PTGES3: variants seen among roughly 807,000 people sequenced by gnomAD.
The protein encoded by PTGES3 is prostaglandin E synthase 3, also known as Hsp90 co-chaperone.
Under a neutral mutation model 29.9 loss-of-function variants are expected in PTGES3, and 5 were observed. That is an observed-to-expected ratio of 0.17 (90% CI 0.09 to 0.35). The LOEUF is 0.35. PTGES3 is among the 10% of genes least tolerant of loss of function. PTGES3 has a pLI of 1.00. For missense variants in PTGES3, 128 were observed against 190.0 expected, an observed-to-expected ratio of 0.67 and a Z score of 1.92; for synonymous variants, 49 against 57.8, an observed-to-expected ratio of 0.85 and a Z score of 0.69.
intron 1 of PTGES3, among the ~76,000 whole-genome samples, chr12:56,675,131 C>T (rs1190679914): frequency 6.6e-6 from 1 of 151,292 alleles, no homozygotes; most frequent in Non-Finnish European, 1.5e-5. Context: ...AAAACCCCGT[C>T]TCTACTAAAA....
intron 1 of PTGES3, among the ~76,000 whole-genome samples, chr12:56,680,138 C>G (rs1318624492): frequency 6.7e-6 from 1 of 148,548 alleles, no homozygotes; most frequent in African/African-American, 2.5e-5. Context: ...ATGGCGCGAT[C>G]ACAGCTCACT....
chr12:56,665,497 C>T (rs1951751899), intron 6 of PTGES3: 2 of 971,668 alleles, frequency 2.1e-6, no homozygotes, highest in African/African-American at 1.8e-5. Context: ...GTTTCGCCAT[C>T]TTGGCCAGGC....
intron 1 of PTGES3, 26 bp from the exon 2 acceptor site, chr12:56,673,091 T>C (rs1384279909): frequency 1.3e-6 from 2 of 1,505,202 alleles, no homozygotes; most frequent in Non-Finnish European, 9.1e-7. Context: ...GTAGGGAAAG[T>C]CAAGCTGGAA....
chr12:56,688,281 T>TGAGGCCGGGCGGCGGC lies in PTGES3; in HGVS notation c.-283_-282insGCCGCCGCCCGGCCTC. On this transcript the variant is annotated 5_prime_UTR_variant, in exon 1 of 8. Transcript: ENST00000262033. ...GTGCGTGCGTGCAAACGAGGGGTGG[T>TGAGGCCGGGCGGCGGC]GAGGCCGGGCGGCGGCTGGTGACGC... 1 of 475,926 alleles carries TGAGGCCGGGCGGCGGC rather than the reference T, an allele frequency of 2.1e-6. No homozygotes were observed. Among genetic ancestry groups the TGAGGCCGGGCGGCGGC allele is most frequent in the Admixed American group, 4.2e-5 (1 of 23,698 alleles). 29.5% of individuals were successfully genotyped at this position (475,926 alleles called of 1,614,324 possible).
chr12:56,679,906 C>T (rs1226607328), intron 1 of PTGES3, among the ~76,000 whole-genome samples: 1 of 151,968 alleles, frequency 6.6e-6, no homozygotes, highest in Non-Finnish European at 1.5e-5. Flanking sequence ...AACTCCTGAC[C>T]TCAAGTGATC....
At chr12:56,676,579 A>G (rs1363094349) in intron 1 of PTGES3, among the ~76,000 whole-genome samples, 5 of 152,068 alleles carry the variant, frequency 3.3e-5, no homozygotes, top group Non-Finnish European at 7.3e-5. Flanking sequence ...CAAGAAAGTA[A>G]TTTTTTTAAA....
At chr12:56,674,825 CAAAAAAAAAAAAAAA>C (rs869222252) in intron 1 of PTGES3, among the ~76,000 whole-genome samples, 5 of 16,098 alleles carry the variant, frequency 3.1e-4, no homozygotes, top group East Asian at 4.6e-3. Context: ...GACTCCATCT[CAAAAAAAAAAAAAAA>C]AAAAAAAAAA....
chr12:56,686,167 G>GCTTCTA (rs1021208473), intron 1 of PTGES3, among the ~76,000 whole-genome samples: 145 of 152,152 alleles, frequency 9.5e-4, no homozygotes, highest in African/African-American at 3.3e-3. Context: ...TCCATCAAAT[G>GCTTCTA]CTTCTACTTC....
chr12:56,665,860 C>G, intron 6 of PTGES3: 1 of 874,822 alleles, frequency 1.1e-6, no homozygotes, highest in Non-Finnish European at 1.4e-6. Flanking sequence ...GAACTCCTGA[C>G]CTCACGTACT....
At chr12:56,686,865 T>C (rs947856859) in intron 1 of PTGES3, 3 of 365,188 alleles carry the variant, frequency 8.2e-6, no homozygotes, top group Admixed American at 5.7e-5. Flanking sequence ...CAAATCCTTA[T>C]TACTTTTCCA....
chr12:56,667,463 C>T (rs1951832317), intron 5 of PTGES3, among the ~76,000 whole-genome samples: 1 of 152,132 alleles, frequency 6.6e-6, no homozygotes, highest in African/African-American at 2.4e-5. Flanking sequence ...GGAATGTGTT[C>T]AGCCTAAAAG....
intron 1 of PTGES3, chr12:56,687,562 C>CTGTG: frequency 9.8e-7 from 1 of 1,021,334 alleles, no homozygotes; most frequent in Non-Finnish European, 1.2e-6. Flanking sequence ...TGGCGGCACC[C>CTGTG]ACCACAGGTG....
At chr12:56,667,478 A>G (rs538118635) in intron 5 of PTGES3, among the ~76,000 whole-genome samples, 1 of 152,370 alleles carries the variant, frequency 6.6e-6, no homozygotes, top group African/African-American at 2.4e-5. Context: ...TAAAAGTATC[A>G]TTCAGCCTTA....
intron 1 of PTGES3, among the ~76,000 whole-genome samples, chr12:56,678,967 A>G (rs1377138494): frequency 6.6e-6 from 1 of 152,080 alleles, no homozygotes; most frequent in East Asian, 1.9e-4. Flanking sequence ...AAAGAAAAAA[A>G]TCGCTGGCCA....
At chr12:56,673,275 G>GA (rs1017970245) in intron 1 of PTGES3, among the ~76,000 whole-genome samples, 92 of 152,016 alleles carry the variant, frequency 6.1e-4, no homozygotes, top group Admixed American at 1.6e-3. Context: ...TTCATAATAG[G>GA]AAAGATTTAA....
chr12:56,666,793 A>G (rs1411997800), intron 5 of PTGES3, among the ~76,000 whole-genome samples: 6 of 151,054 alleles, frequency 4.0e-5, no homozygotes, highest in African/African-American at 1.5e-4. Flanking sequence ...CACCCAACTA[A>G]TTTTTTGTAT....
chr12:56,671,609 T>A (rs750257715), intron 4 of PTGES3, 140 bp downstream of exon 4: 2 of 456,750 alleles, frequency 4.4e-6, no homozygotes, highest in Non-Finnish European at 7.9e-6. Context: ...TAAAACTGAG[T>A]AGACAAAAAA....
At chr12:56,669,986 A>AG (rs1306947999) in intron 5 of PTGES3, among the ~76,000 whole-genome samples, 2 of 151,886 alleles carry the variant, frequency 1.3e-5, no homozygotes, top group East Asian at 3.9e-4. Context: ...AAAAAAAAAA[A>AG]AAGTCCCAAT....
intron 1 of PTGES3, among the ~76,000 whole-genome samples, chr12:56,674,848 A>AT: frequency 7.1e-6 from 1 of 140,342 alleles, no homozygotes; most frequent in Non-Finnish European, 1.5e-5. Flanking sequence ...AAAAAAAAAA[A>AT]AAAAAATTCG....
Sources: gnomAD v4.1 joint callset for allele counts (sites outside exome capture counted in the v4.1 genomes callset) on GRCh38, gnomAD v4.1.1 for gene constraint, MANE v1.5 for transcripts, NCBI Gene and HGNC (gene_info 2026-07-23, HGNC 2026-07-21) for gene names.